Variants in CCDC85A observed in about 807,000 individuals in gnomAD.
CCDC85A encodes the protein coiled-coil domain containing 85A.
A neutral mutation model predicts 50.2 loss-of-function variants in CCDC85A; 38 were observed. That is an observed-to-expected ratio of 0.76 (90% CI 0.58 to 0.99). CCDC85A has a LOEUF of 0.99. Among genes scored for constraint, CCDC85A ranks in the 50% least tolerant of loss-of-function variants. The probability of loss-of-function intolerance (pLI) is 0.00; values close to 1 mark genes in which losing one functional copy is unlikely to be tolerated. For synonymous variants in CCDC85A, 366 were observed against 301.4 expected (o/e 1.21, Z -2.22); for missense variants, 820 against 742.0 (o/e 1.11, Z -1.22).
rs187659312 is a variant in CCDC85A at position 56,261,235 on chromosome 2, T to C, written c.1240+67795T>C. 5.0e-3 allele frequency among the ~76,000 whole-genome samples: 756 copies of C among 152,316 alleles called. 5 individuals are homozygous for C. The highest frequency in any genetic ancestry group is 0.013 in the African/African-American group (520 of 41,550). On this transcript the variant is annotated intron_variant, in intron 2 of 5. Transcript: ENST00000407595. The stretch of plus-strand genomic sequence containing the variant: ...ACTTTAAAAACCATAATGCCATTCT[T>C]ATAGAGAGACTATACCTTATAGAGA...
chr2:56,338,032 C>G (rs927798699), intron 2 of CCDC85A, among the ~76,000 whole-genome samples: 1 of 152,178 alleles, frequency 6.6e-6, no homozygotes, highest in African/African-American at 2.4e-5. Flanking sequence ...ATCCGCCTGC[C>G]TCAGCCTCCC....
At chr2:56,274,523 T>G (rs1185600236) in intron 2 of CCDC85A, among the ~76,000 whole-genome samples, 1 of 152,224 alleles carries the variant, frequency 6.6e-6, no homozygotes, top group African/African-American at 2.4e-5. Flanking sequence ...CCTCAGTCTT[T>G]GCTCTTAGGG....
At chr2:56,274,018 G>A (rs1401455148) in intron 2 of CCDC85A, among the ~76,000 whole-genome samples, 1 of 152,142 alleles carries the variant, frequency 6.6e-6, no homozygotes, top group Non-Finnish European at 1.5e-5. Context: ...AATACTAAAT[G>A]TTTTAATTTA....
chr2:56,193,184 C>T lies in CCDC85A; in HGVS notation c.984C>T (p.His328=), dbSNP rs766118772. 5 of 1,613,120 alleles carry T rather than the reference C, an allele frequency of 3.1e-6. No homozygotes were observed. The Admixed American group carries it at 5.0e-5, about 16-fold the overall frequency. ...QKHRSGSSPE[H]ARHSGGSPEH... The stretch of plus-strand genomic sequence containing the variant: ...ACCGGTCAGGGAGCAGCCCTGAACA[C>T]GCCAGGCACAGTGGAGGGAGCCCGG... Residue 328 remains histidine, a synonymous_variant, in exon 2 of 6, where the codon CAC becomes CAT. Coordinates refer to ENST00000407595, the MANE Select transcript of CCDC85A (RefSeq NM_001080433.2).
chr2:56,315,291 G>A (rs1672871399), intron 2 of CCDC85A, among the ~76,000 whole-genome samples: 1 of 152,082 alleles, frequency 6.6e-6, no homozygotes, highest in Non-Finnish European at 1.5e-5. Flanking sequence ...CCTGCATTTT[G>A]GATAAATAAC....
At chr2:56,208,956 T>C (rs1283858334) in intron 2 of CCDC85A, among the ~76,000 whole-genome samples, 1 of 152,090 alleles carries the variant, frequency 6.6e-6, no homozygotes, top group Non-Finnish European at 1.5e-5. Flanking sequence ...ACAATCTTCA[T>C]CTTTCTCAAG....
intron 3 of CCDC85A, among the ~76,000 whole-genome samples, chr2:56,363,110 T>G (rs1449057547): frequency 2.0e-5 from 3 of 152,232 alleles, no homozygotes; most frequent in Non-Finnish European, 1.5e-5. Context: ...CCATCGTATT[T>G]TTTTTATAAG....
chr2:56,269,336 T>TGTGTGG (rs1670597315), intron 2 of CCDC85A, among the ~76,000 whole-genome samples: 1 of 13,872 alleles, frequency 7.2e-5, no homozygotes, highest in Non-Finnish European at 1.4e-4. Flanking sequence ...TTGGCAAGGG[T>TGTGTGG]GTGTGTGTGT....
intron 3 of CCDC85A, among the ~76,000 whole-genome samples, chr2:56,352,210 C>G (rs772739199): frequency 6.6e-6 from 1 of 151,804 alleles, no homozygotes; most frequent in African/African-American, 2.4e-5. Flanking sequence ...ATAAAGTAGA[C>G]AAATATAAAT....
chr2:56,266,578 G>GT lies in CCDC85A; in HGVS notation c.1240+73138_1240+73139insT, dbSNP rs71393521. Among the ~76,000 whole-genome samples, 10 of 60,346 alleles carry GT rather than the reference G, an allele frequency of 1.7e-4. 1 individual carries two copies. The highest frequency in any genetic ancestry group is 2.6e-4 in the Non-Finnish European group (8 of 30,924). 39.6% of individuals were successfully genotyped at this position (60,346 alleles called of 152,430 possible). ...TATAATTGTCAATTAACAATAACGC[G>GT]CCCCCCCCCCCCATAATCTTCTTCC... is the stretch of plus-strand genomic sequence containing the variant. On this transcript the variant is annotated intron_variant, in intron 2 of 5. Coordinates refer to ENST00000407595, the MANE Select transcript of CCDC85A (RefSeq NM_001080433.2).
intron 2 of CCDC85A, among the ~76,000 whole-genome samples, chr2:56,310,676 T>C (rs1231355223): frequency 3.9e-5 from 6 of 152,174 alleles, no homozygotes; most frequent in Admixed American, 3.9e-4. Flanking sequence ...ATTTCTGTTA[T>C]CAGAGCTGTT....
At chr2:56,345,127 G>A (rs1674572128) in intron 3 of CCDC85A, among the ~76,000 whole-genome samples, 5 of 152,112 alleles carry the variant, frequency 3.3e-5, no homozygotes, top group Admixed American at 3.3e-4. Context: ...AATTTAAAGT[G>A]TTCAGTTATA....
chr2:56,268,625 G>GA (rs1558615096), intron 2 of CCDC85A, among the ~76,000 whole-genome samples: 6 of 146,822 alleles, frequency 4.1e-5, no homozygotes, highest in African/African-American at 7.5e-5. Flanking sequence ...GAAAAGAAAA[G>GA]AAGAAAAAAA....
At chr2:56,382,432 T>A (rs1003053942) in intron 5 of CCDC85A, among the ~76,000 whole-genome samples, 1 of 151,946 alleles carries the variant, frequency 6.6e-6, no homozygotes, top group South Asian at 2.1e-4. Context: ...ATCATGTGGG[T>A]TAGTATGTAG....
At chr2:56,272,531 T>C (rs1670743716) in intron 2 of CCDC85A, among the ~76,000 whole-genome samples, 1 of 152,176 alleles carries the variant, frequency 6.6e-6, no homozygotes, top group Non-Finnish European at 1.5e-5. Flanking sequence ...TCTTTTCTTA[T>C]AGAATAACTG....
At chr2:56,249,871 A>G (rs1669678374) in intron 2 of CCDC85A, among the ~76,000 whole-genome samples, 7 of 152,200 alleles carry the variant, frequency 4.6e-5, no homozygotes, top group Admixed American at 3.9e-4. Flanking sequence ...CTGAAGGTTC[A>G]GCATTTTCTG....
intron 2 of CCDC85A, among the ~76,000 whole-genome samples, chr2:56,324,247 C>T (rs934466426): frequency 5.9e-5 from 9 of 152,098 alleles, no homozygotes; most frequent in Admixed American, 3.9e-4. Context: ...GAGCTGCCAA[C>T]AGAGGGGAGA....
At chr2:56,289,538 C>G (rs1467295654) in intron 2 of CCDC85A, among the ~76,000 whole-genome samples, 1 of 152,034 alleles carries the variant, frequency 6.6e-6, no homozygotes, top group Non-Finnish European at 1.5e-5. Context: ...GGGTGGCACA[C>G]TTGGGAGTCT....
intron 3 of CCDC85A, among the ~76,000 whole-genome samples, chr2:56,353,321 A>G (rs1245883958): frequency 6.6e-6 from 1 of 152,194 alleles, no homozygotes; most frequent in Non-Finnish European, 1.5e-5. Context: ...TATTCTTTAT[A>G]TAAAATCATG....
Sources: gnomAD v4.1 joint callset for allele counts (sites outside exome capture counted in the v4.1 genomes callset) on GRCh38, gnomAD v4.1.1 for gene constraint, MANE v1.5 for transcripts, NCBI Gene and HGNC (gene_info 2026-07-23, HGNC 2026-07-21) for gene names.